CR1L: variants seen among roughly 807,000 people sequenced by gnomAD.
The protein encoded by CR1L is complement C3b/C4b receptor 1 like.
A neutral mutation model predicts 62.3 loss-of-function variants in CR1L; 59 were observed. The observed-to-expected ratio is 0.95, with a 90% CI of 0.77 to 1.18. The LOEUF (loss-of-function observed/expected upper bound fraction) is 1.18, where lower values mean the gene tolerates loss of function less well. Ranked by LOEUF, CR1L falls within the 50% of genes most tolerant of loss-of-function variation. CR1L has a pLI of 0.00. For missense variants in CR1L, 700 were observed against 702.8 expected, an observed-to-expected ratio of 1.00 and a Z score of 0.04; for synonymous variants, 279 against 248.7, an observed-to-expected ratio of 1.12 and a Z score of -1.15.
intron 10 of CR1L, among the ~76,000 whole-genome samples, chr1:207,715,598 C>T (rs1653973849): frequency 6.6e-6 from 1 of 152,126 alleles, no homozygotes; most frequent in Admixed American, 6.5e-5. Context: ...AGTTTAATGA[C>T]TGTTTAATTT....
intron 9 of CR1L, chr1:207,701,822 C>A: frequency 1.3e-6 from 1 of 795,662 alleles, no homozygotes; most frequent in Non-Finnish European, 2.2e-6. Context: ...GGGCAGTGCA[C>A]ACATAAAGAG....
chr1:207,671,455 C>T lies in CR1L; in HGVS notation c.98-5934C>T, dbSNP rs189667106. 6.6e-4 allele frequency among the ~76,000 whole-genome samples: 99 copies of T among 150,924 alleles called. 8 individuals carry two copies. Among genetic ancestry groups the T allele is most frequent in the African/African-American group, 2.2e-3 (87 of 40,298 alleles). ...AACAGAGGAACTAGGATTGTTTTGT[C>T]ATTAGAGGGTACTCCTACTACCCAT... On this transcript the variant is annotated intron_variant, in intron 1 of 11. Transcript: ENST00000508064.
intron 1 of CR1L, among the ~76,000 whole-genome samples, chr1:207,665,942 G>T (rs943083358): frequency 2.6e-5 from 4 of 152,196 alleles, no homozygotes; most frequent in Non-Finnish European, 5.9e-5. Context: ...AGTGATACAC[G>T]TGTGTTGGAC....
chr1:207,676,137 T>C (rs1663688256), intron 1 of CR1L, among the ~76,000 whole-genome samples: 2 of 152,202 alleles, frequency 1.3e-5, no homozygotes. Context: ...AGGCACTTAC[T>C]GATTAACTAA....
chr1:207,699,361 C>T lies in CR1L; in HGVS notation c.1228+87C>T, dbSNP rs879172599. 10 of 1,479,774 alleles carry T rather than the reference C, an allele frequency of 6.8e-6. No homozygotes were observed. In the South Asian group the frequency reaches 1.1e-4, roughly 16 times the overall value. The allele number at this position is 1,479,774 out of a possible 1,614,324, so 91.7% of individuals were successfully genotyped here. Reference sequence around the variant, plus strand: ...CATGACCTCCCCTAATGTGGTTCTTCAATTTTCTAATCTGAATTATTGATT... The same window carrying T: ...CATGACCTCCCCTAATGTGGTTCTTTAATTTTCTAATCTGAATTATTGATT... On this transcript the variant is annotated intron_variant, in intron 8 of 11. Transcript: ENST00000508064.
At position 207,645,326 on chromosome 1, in the gene CR1L, C is replaced by G. The variant is rs745345595; in HGVS notation, c.93C>G (p.Phe31Leu). The G allele has an allele frequency of 6.2e-7, 1 of 1,614,016 alleles. No individual in the cohort carries two copies. Among genetic ancestry groups the G allele is most frequent in the Admixed American group, 1.7e-5 (1 of 60,028 alleles). ...CCCTGGTGTTGCTGCTGTCCTCCTT[C>G]TCCGGTAGGACCCCGGGGTGGATTC... ...LAALVLLLSSFSDQCNVPEWL... is the reference protein window; with the variant it reads ...LAALVLLLSSLSDQCNVPEWL... The change falls in exon 1 of 12, where the codon TTC (phenylalanine) becomes TTG (leucine). Residue 31 changes from phenylalanine to leucine, a missense_variant. Coordinates refer to ENST00000508064, the MANE Select transcript of CR1L (RefSeq NM_175710.2).
intron 1 of CR1L, among the ~76,000 whole-genome samples, chr1:207,675,118 C>CA (rs1258849823): frequency 6.6e-6 from 1 of 151,926 alleles, no homozygotes. Flanking sequence ...TTTAGAAGTA[C>CA]AAAAAACATG....
rs574140287 is a variant in CR1L at position 207,706,751 on chromosome 1, TTAAGTA to T, written c.1329-1425_1329-1420del. On this transcript the variant is annotated intron_variant, in intron 9 of 11. Coordinates refer to ENST00000508064, the MANE Select transcript of CR1L (RefSeq NM_175710.2). ...AGCAAAGACACAAAAATTGTACCAT[TTAAGTA>T]TGTTTCCCAGGCAATTAATAAGCAA... 2.0e-3 allele frequency among the ~76,000 whole-genome samples: 299 copies of T among 152,270 alleles called. 1 individual carries two copies. Among genetic ancestry groups the T allele is most frequent in the African/African-American group, 6.6e-3 (274 of 41,552 alleles).
chr1:207,689,980 T>G (rs1442818710), intron 4 of CR1L, among the ~76,000 whole-genome samples: 3 of 152,072 alleles, frequency 2.0e-5, no homozygotes, highest in Non-Finnish European at 4.4e-5. Flanking sequence ...TTTCTGATAT[T>G]GGTAATATCT....
At position 207,717,662 on chromosome 1, in the gene CR1L, C is replaced by A; in HGVS notation, c.1613C>A (p.Ala538Asp). 6.2e-7 allele frequency: 1 copy of A among 1,613,974 alleles called. No individual in the cohort carries two copies. The highest frequency in any genetic ancestry group is 8.5e-7 in the Non-Finnish European group (1 of 1,179,884). Residue 538 changes from alanine (A) to aspartate (D), a missense_variant, in exon 11 of 12, where the codon GCC (alanine) becomes GAC (aspartate). Ala to Asp is a moderately radical substitution (Grantham distance 126). Coordinates refer to ENST00000508064, the MANE Select transcript of CR1L (RefSeq NM_175710.2). Reference sequence around the variant, plus strand: ...GGGAATGGGGTTTGGAGCAGCCCTGCCCCTCGCTGTGAACTTCCTGTTGGT... The same window carrying A: ...GGGAATGGGGTTTGGAGCAGCCCTGACCCTCGCTGTGAACTTCCTGTTGGT... ...PHGNGVWSSP[A>D]PRCELPVGAG...
intron 10 of CR1L, chr1:207,710,866 G>T (rs965454871): frequency 1.9e-5 from 25 of 1,328,158 alleles, no homozygotes; most frequent in Admixed American, 1.8e-4. Context: ...TGTTTAGGGG[G>T]AGGGATGTAT....
intron 9 of CR1L, among the ~76,000 whole-genome samples, chr1:207,702,811 T>C (rs1664213138): frequency 6.6e-6 from 1 of 152,192 alleles, no homozygotes; most frequent in Non-Finnish European, 1.5e-5. Context: ...AGCTGGGCAC[T>C]GTGGCTCATG....
intron 10 of CR1L, among the ~76,000 whole-genome samples, chr1:207,711,092 T>C (rs1378144441): frequency 6.6e-6 from 1 of 152,254 alleles, no homozygotes; most frequent in African/African-American, 2.4e-5. Flanking sequence ...ATGGACTTTA[T>C]GGTCAGCTGT....
intron 2 of CR1L, among the ~76,000 whole-genome samples, 173 bp from the exon 3 acceptor site, chr1:207,678,024 GA>G (rs972225224): frequency 6.6e-5 from 10 of 152,102 alleles, no homozygotes; most frequent in African/African-American, 2.2e-4. Flanking sequence ...AGCTTTTTTT[GA>G]AAGGGAGCTG....
intron 1 of CR1L, among the ~76,000 whole-genome samples, chr1:207,673,127 G>T (rs1663638978): frequency 6.6e-6 from 1 of 152,104 alleles, no homozygotes; most frequent in South Asian, 2.1e-4. Flanking sequence ...AAAAAATCTA[G>T]AAAGTATCAT....
intron 1 of CR1L, among the ~76,000 whole-genome samples, chr1:207,651,448 TCAACCTGAGG>T (rs1431057308): frequency 2.6e-5 from 4 of 152,164 alleles, no homozygotes; most frequent in Admixed American, 2.0e-4. Context: ...GACCAGTCTC[TCAACCTGAGG>T]CAGGACCATG....
At chr1:207,665,581 G>A (rs1341830682) in intron 1 of CR1L, among the ~76,000 whole-genome samples, 1 of 151,760 alleles carries the variant, frequency 6.6e-6, no homozygotes, top group African/African-American at 2.4e-5. Context: ...TTTTAATAGA[G>A]ATGGGGTTTC....
chr1:207,698,114 C>T (rs1664134747), intron 7 of CR1L, among the ~76,000 whole-genome samples: 1 of 151,972 alleles, frequency 6.6e-6, no homozygotes, highest in Admixed American at 6.6e-5. Flanking sequence ...AATTCAAAGA[C>T]AAGTATAATT....
At chr1:207,653,456 T>C (rs1417684952) in intron 1 of CR1L, among the ~76,000 whole-genome samples, 1 of 152,232 alleles carries the variant, frequency 6.6e-6, no homozygotes, top group Non-Finnish European at 1.5e-5. Context: ...GAATTCATCC[T>C]TCACAACTGA....
Sources: allele counts gnomAD v4.1 joint callset (sites outside exome capture counted in the v4.1 genomes callset), GRCh38; gene constraint gnomAD v4.1.1; transcripts MANE v1.5; gene names NCBI Gene and HGNC (gene_info 2026-07-23, HGNC 2026-07-21).